Variants in CPQ observed in about 807,000 individuals in gnomAD.
The protein encoded by CPQ is Ser-Met dipeptidase.
Under a neutral mutation model 45.7 loss-of-function variants are expected in CPQ, and 37 were observed. The ratio of observed to expected loss-of-function variants is 0.81; its 90% confidence interval spans 0.62 to 1.07. The LOEUF (loss-of-function observed/expected upper bound fraction) is 1.07, where lower values mean the gene tolerates loss of function less well. Among genes scored for constraint, CPQ ranks in the 50% least tolerant of loss-of-function variants. The pLI is 0.00. For missense variants in CPQ, 537 were observed against 572.9 expected, an observed-to-expected ratio of 0.94 and a Z score of 0.64; for synonymous variants, 186 against 205.8, an observed-to-expected ratio of 0.90 and a Z score of 0.82.
At chr8:97,109,139 C>T (rs1811459646) in intron 7 of CPQ, among the ~76,000 whole-genome samples, 1 of 152,188 alleles carries the variant, frequency 6.6e-6, no homozygotes, top group African/African-American at 2.4e-5. Context: ...GACCCTTCCC[C>T]ACCCTTCACT....
chr8:96,842,759 G>A (rs143633972), intron 3 of CPQ, among the ~76,000 whole-genome samples: 2 of 152,244 alleles, frequency 1.3e-5, no homozygotes, highest in East Asian at 1.9e-4. Context: ...TTTGGAGCCC[G>A]CATTCTGGAG....
In CPQ at chr8:96,822,817, A is replaced by G. The variant is rs1260392645; in HGVS notation, c.434-12156A>G. Among the ~76,000 whole-genome samples, 6 of 152,104 alleles carry G rather than the reference A, an allele frequency of 3.9e-5. No homozygotes were observed. The South Asian group carries it at 1.2e-3, about 32-fold the overall frequency. ...CTTGTCCATAGTTCGTTAGCATAAA[A>G]TCCTTCAGTTTTTCAGCTTAAATAT... On this transcript the variant is annotated intron_variant, in intron 2 of 7. Coordinates refer to ENST00000220763, the MANE Select transcript of CPQ (RefSeq NM_016134.4).
At chr8:97,032,109 T>C (rs1057118099) in intron 6 of CPQ, among the ~76,000 whole-genome samples, 7 of 152,164 alleles carry the variant, frequency 4.6e-5, no homozygotes, top group Non-Finnish European at 1.0e-4. Flanking sequence ...TCCAACAATA[T>C]CCAGTTCACT....
intron 7 of CPQ, among the ~76,000 whole-genome samples, chr8:97,093,663 G>A (rs1359586979): frequency 6.6e-6 from 1 of 152,158 alleles, no homozygotes; most frequent in Non-Finnish European, 1.5e-5. Flanking sequence ...TACCTAGACA[G>A]TGGAGATTCA....
intron 7 of CPQ, among the ~76,000 whole-genome samples, chr8:97,085,994 GTTAAATTC>G (rs1811035241): frequency 6.6e-6 from 1 of 152,214 alleles, no homozygotes; most frequent in African/African-American, 2.4e-5. Context: ...AGAGGAAGCT[GTTAAATTC>G]TAGGCTACCA....
At chr8:96,976,247 C>CAAAAAAAAAAAAAAAAA (rs55864086) in intron 5 of CPQ, among the ~76,000 whole-genome samples, 3 of 60,844 alleles carry the variant, frequency 4.9e-5, no homozygotes, top group Non-Finnish European at 8.8e-5. Flanking sequence ...CAATAGCTGA[C>CAAAAAAAAAAAAAAAAA]AAAAAAAAAA....
At chr8:96,984,876 T>C (rs918234010) in intron 5 of CPQ, among the ~76,000 whole-genome samples, 20 of 152,202 alleles carry the variant, frequency 1.3e-4, no homozygotes, top group Non-Finnish European at 2.1e-4. Flanking sequence ...AGTTAGTACT[T>C]ATTAGATTGT....
chr8:96,989,467 GGAGGGGAGGGGAGGA>G (rs1216559546), intron 5 of CPQ, among the ~76,000 whole-genome samples: 2 of 141,488 alleles, frequency 1.4e-5, no homozygotes, highest in Non-Finnish European at 3.1e-5. Flanking sequence ...GGAGCAGAGC[GGAGGGGAGGGGAGGA>G]GAGGGGAGTG....
intron 7 of CPQ, chr8:97,092,879 C>T (rs1313624376): frequency 1.3e-5 from 2 of 152,132 alleles, no homozygotes; most frequent in Non-Finnish European, 2.9e-5. Flanking sequence ...AGTAAATAGA[C>T]AACCTACAGA....
intron 1 of CPQ, among the ~76,000 whole-genome samples, chr8:96,651,185 A>T (rs894929966): frequency 6.6e-6 from 1 of 152,222 alleles, no homozygotes; most frequent in East Asian, 1.9e-4. Flanking sequence ...AGCACCTAAC[A>T]GGTATGCCAT....
rs770303041 is a variant in CPQ, at chr8:96,796,374, CATT to C, written c.433+11049_433+11051del. 1.0e-3 allele frequency among the ~76,000 whole-genome samples: 159 copies of C among 152,004 alleles called. 1 individual carries two copies. The highest frequency in any genetic ancestry group is 1.8e-3 in the Non-Finnish European group (119 of 67,954). ...ATATTCTAATTGATGAATAATAATT[CATT>C]ATTAATGAATTATTTTAATAAATCA... On this transcript the variant is annotated intron_variant, in intron 2 of 7. Transcript: ENST00000220763.
At chr8:96,843,035 G>A (rs1335037091) in intron 3 of CPQ, among the ~76,000 whole-genome samples, 2 of 151,962 alleles carry the variant, frequency 1.3e-5, no homozygotes, top group South Asian at 2.1e-4. Flanking sequence ...CCTCCTGAGT[G>A]GCTGGGATTA....
At chr8:97,065,195 C>T (rs1285736537) in intron 6 of CPQ, among the ~76,000 whole-genome samples, 2 of 148,818 alleles carry the variant, frequency 1.3e-5, no homozygotes, top group East Asian at 3.9e-4. Flanking sequence ...GATGAGCTGG[C>T]CAGTTTGAAG....
At chr8:96,775,416 A>G (rs1460973418) in intron 1 of CPQ, among the ~76,000 whole-genome samples, 1 of 152,186 alleles carries the variant, frequency 6.6e-6, no homozygotes, top group Non-Finnish European at 1.5e-5. Flanking sequence ...TAGAAGACAT[A>G]ATGAAGAAGT....
intron 5 of CPQ, among the ~76,000 whole-genome samples, chr8:97,025,351 T>C (rs1313165266): frequency 1.3e-5 from 2 of 152,168 alleles, no homozygotes; most frequent in African/African-American, 4.8e-5. Flanking sequence ...TTATTGGAAG[T>C]TTATGTTGCT....
At chr8:96,777,693 G>C (rs1444583403) in intron 1 of CPQ, among the ~76,000 whole-genome samples, 3 of 124,986 alleles carry the variant, frequency 2.4e-5, no homozygotes, top group African/African-American at 6.3e-5. Context: ...ATTTTCCTAT[G>C]TATGGTGACC....
intron 6 of CPQ, chr8:97,055,789 C>T (rs1020048637): frequency 6.6e-5 from 10 of 152,158 alleles, no homozygotes; most frequent in African/African-American, 2.4e-4. Flanking sequence ...GACTTACAAC[C>T]TCCAGAACTG....
intron 1 of CPQ, among the ~76,000 whole-genome samples, chr8:96,736,449 C>T (rs1024812328): frequency 1.6e-4 from 24 of 152,166 alleles, no homozygotes; most frequent in Non-Finnish European, 3.2e-4. Flanking sequence ...ACCACAGAAA[C>T]CCCAAGAACC....
chr8:97,077,361 T>C (rs551856142), intron 7 of CPQ, among the ~76,000 whole-genome samples: 163 of 152,330 alleles, frequency 1.1e-3, no homozygotes, highest in African/African-American at 3.8e-3. Context: ...TAGAGGTGAT[T>C]AGCATCCGCA....
Sources: gnomAD v4.1 joint callset for allele counts (sites outside exome capture counted in the v4.1 genomes callset) on GRCh38, gnomAD v4.1.1 for gene constraint, MANE v1.5 for transcripts, NCBI Gene and HGNC (gene_info 2026-07-23, HGNC 2026-07-21) for gene names.